The following TTLL6 variants were observed in gnomAD, a reference collection of about 807,000 sequenced individuals.
The protein encoded by TTLL6 is tubulin tyrosine ligase like 6.
TTLL6 carries 75 observed loss-of-function variants against 96.4 expected under a neutral mutation model. The ratio of observed to expected loss-of-function variants is 0.78; its 90% CI spans 0.65 to 0.94. The LOEUF is 0.94. TTLL6 is among the 40% of genes least tolerant of loss of function. TTLL6 has a pLI of 0.00. For missense variants in TTLL6, 1,030 were observed against 1,093.0 expected (o/e 0.94, Z 0.81); for synonymous variants, 411 against 419.4 (o/e 0.98, Z 0.24).
intron 1 of TTLL6, among the ~76,000 whole-genome samples, chr17:48,805,554 G>A (rs1204028448): frequency 5.3e-5 from 8 of 152,108 alleles, no homozygotes; most frequent in Admixed American, 4.6e-4. Context: ...CCACAGAGAA[G>A]GCTGTGTCTC....
At chr17:48,799,286 T>C (rs753632893) in intron 6 of TTLL6, among the ~76,000 whole-genome samples, 7 of 152,184 alleles carry the variant, frequency 4.6e-5, no homozygotes, top group Non-Finnish European at 7.3e-5. Context: ...AGCTGATTGC[T>C]CTCCAGCATC....
rs1052947411 is a variant in TTLL6 at position 48,762,988 on chromosome 17, T to G, written c.*1-15A>C. On this transcript the variant is annotated splice_polypyrimidine_tract_variant and intron_variant, in intron 15 of 15. Coordinates refer to ENST00000393382, the MANE Select transcript of TTLL6 (RefSeq NM_001130918.3). Reference sequence around the variant, plus strand: ...CCAGTCTGATTCTGGAAAAAAAAAATTTTTTTTTTAGATTTTCCTTTAAAA... The same window carrying G: ...CCAGTCTGATTCTGGAAAAAAAAAAGTTTTTTTTTAGATTTTCCTTTAAAA... The G allele has an allele frequency of 2.5e-6, 1 of 403,430 alleles. No homozygotes were observed. The highest frequency in any genetic ancestry group is 3.1e-5 in the Admixed American group (1 of 32,424). The allele number at this position is 403,430 out of a possible 1,614,324, so 25.0% of individuals were successfully genotyped here.
At chr17:48,810,866 G>GTA (rs2039579731) in intron 1 of TTLL6, among the ~76,000 whole-genome samples, 5 of 132,158 alleles carry the variant, frequency 3.8e-5, no homozygotes, top group African/African-American at 1.1e-4. Flanking sequence ...GTATGTGTGT[G>GTA]TATATATATG....
chr17:48,810,825 G>GCA lies in TTLL6; in HGVS notation c.104-5835_104-5834insTG, dbSNP rs1555569645. Among the ~76,000 whole-genome samples, 598 of 84,340 alleles carry GCA rather than the reference G, an allele frequency of 7.1e-3. 16 individuals carry two copies. The highest frequency in any genetic ancestry group is 0.011 in the Non-Finnish European group (447 of 40,120). 55.3% of individuals were successfully genotyped at this position (84,340 alleles called of 152,430 possible). On this transcript the variant is annotated intron_variant, in intron 1 of 15. Transcript: ENST00000393382. ...ATATACACATATATAGTATGTGTGT[G>GCA]TATATATATATATATATATATATAT...
At chr17:48,812,098 A>T (rs1045513133) in intron 1 of TTLL6, 24 of 90,360 alleles carry the variant, frequency 2.7e-4, no homozygotes, top group African/African-American at 1.1e-3. Context: ...GACTTTTCAG[A>T]TGTGGACTTT....
intron 8 of TTLL6, among the ~76,000 whole-genome samples, 157 bp downstream of exon 8, chr17:48,795,904 G>A (rs2039308424): frequency 6.6e-6 from 1 of 152,162 alleles, no homozygotes. Flanking sequence ...CAGAGATGAA[G>A]GAATTTGTTC....
At chr17:48,809,671 C>T (rs763610323) in intron 1 of TTLL6, among the ~76,000 whole-genome samples, 1 of 151,784 alleles carries the variant, frequency 6.6e-6, no homozygotes. Flanking sequence ...CCCGCCTGGG[C>T]AACAAAGTGA....
chr17:48,768,102 C>T (rs1438056728), intron 15 of TTLL6, among the ~76,000 whole-genome samples: 3 of 148,026 alleles, frequency 2.0e-5, no homozygotes, highest in Non-Finnish European at 4.5e-5. Flanking sequence ...AAGGGGGTCA[C>T]TTTTTTTTTT....
chr17:48,810,825 G>GTATATATATATATATATA (rs1555569643), intron 1 of TTLL6, among the ~76,000 whole-genome samples: 4 of 84,340 alleles, frequency 4.7e-5, no homozygotes, highest in Admixed American at 1.2e-4. Flanking sequence ...GTATGTGTGT[G>GTATATATATATATATATA]TATATATATA....
At chr17:48,780,514 A>C (rs558834951) in intron 13 of TTLL6, among the ~76,000 whole-genome samples, 1 of 152,354 alleles carries the variant, frequency 6.6e-6, no homozygotes, top group South Asian at 2.1e-4. Context: ...TAAATAAATA[A>C]CATAAAATCT....
intron 15 of TTLL6, among the ~76,000 whole-genome samples, chr17:48,767,192 C>T (rs961887084): frequency 2.0e-5 from 3 of 152,104 alleles, no homozygotes; most frequent in South Asian, 2.1e-4. Context: ...CATGAGCCAC[C>T]GTGCCTGACC....
At position 48,777,047 on chromosome 17, in the gene TTLL6, C is replaced by CACACAT. The variant is rs1555563994; in HGVS notation, c.2041-6951_2041-6950insATGTGT. ...ACACACACACACACACACACACACA[C>CACACAT]ACCCCTAAAAAATCAAAGGAACAGA... On this transcript the variant is annotated intron_variant, in intron 13 of 15. Transcript: ENST00000393382. Among the ~76,000 whole-genome samples, 131 of 151,790 alleles carry CACACAT rather than the reference C, an allele frequency of 8.6e-4. 4 individuals carry two copies. The South Asian group carries it at 0.027, about 31-fold the overall frequency.
Position 48,785,139 on chromosome 17 carries a change from T to C in TTLL6, c.1824A>G (p.Glu608=), listed in dbSNP as rs753197831. ...TPDLLLSVRG[E]RKNETDSSLN... ...GGCTGCTGTCTGTTTCATTTTTCCTTTCACCTCTGACACTCAAGAGCAAGT... is the reference window on the plus strand; with the variant it reads ...GGCTGCTGTCTGTTTCATTTTTCCTCTCACCTCTGACACTCAAGAGCAAGT... The change falls in exon 13 of 16, where the codon GAA becomes GAG. Residue 608 remains glutamate, a synonymous_variant. Transcript: ENST00000393382. 12 of 1,614,198 alleles carry C rather than the reference T, an allele frequency of 7.4e-6. No individual in the cohort carries two copies. The highest frequency in any genetic ancestry group is 1.0e-5 in the Non-Finnish European group (12 of 1,180,050).
chr17:48,801,640 C>A lies in TTLL6; in HGVS notation c.365G>T (p.Arg122Leu). ...AAAGCCGTACTGTTGGGCAGCCCTG[C>A]GCACTATTGAAGAAAGAAAGGCCTA... ...NLSSCRYESV[R>L]RAAQQYGFRE... The change falls in exon 4 of 16, where the codon CGC (arginine) becomes CTC (leucine). Residue 122 changes from arginine (R) to leucine (L), a missense_variant. By Grantham distance (102) the Arg-to-Leu change is moderately radical (BLOSUM62 -2). Transcript: ENST00000393382. 1 of 1,551,140 alleles carries A rather than the reference C, an allele frequency of 6.4e-7. No individual in the cohort carries two copies. The highest frequency in any genetic ancestry group is 8.7e-7 in the Non-Finnish European group (1 of 1,146,620).
chr17:48,778,567 G>A (rs975403458), intron 13 of TTLL6, among the ~76,000 whole-genome samples: 9 of 151,508 alleles, frequency 5.9e-5, no homozygotes, highest in Non-Finnish European at 1.3e-4. Flanking sequence ...AGGCTGAGGT[G>A]GGAGGATTGC....
chr17:48,794,436 C>T, intron 8 of TTLL6: 1 of 1,363,316 alleles, frequency 7.3e-7, no homozygotes, highest in Non-Finnish European at 9.7e-7. Flanking sequence ...TCATCACGTT[C>T]ATCCTCCAGA....
intron 1 of TTLL6, among the ~76,000 whole-genome samples, chr17:48,814,621 G>GCACTGGGACGGGTC (rs1043495470): frequency 5.3e-5 from 8 of 152,178 alleles, no homozygotes; most frequent in South Asian, 2.1e-4. Flanking sequence ...GAGGGAATGA[G>GCACTGGGACGGGTC]CACTGGGACG....
intron 13 of TTLL6, among the ~76,000 whole-genome samples, chr17:48,782,722 CT>C (rs939090870): frequency 2.7e-5 from 4 of 148,928 alleles, no homozygotes; most frequent in Non-Finnish European, 6.0e-5. Context: ...TTTCTTTTTT[CT>C]TTTTTTTTGA....
intron 5 of TTLL6, among the ~76,000 whole-genome samples, chr17:48,800,734 C>G (rs1277837839): frequency 6.6e-6 from 1 of 152,188 alleles, no homozygotes; most frequent in African/African-American, 2.4e-5. Flanking sequence ...TCTCACATTT[C>G]TCCTGTTCCT....
Sources: allele counts gnomAD v4.1 joint callset (sites outside exome capture counted in the v4.1 genomes callset), GRCh38; gene constraint gnomAD v4.1.1; transcripts MANE v1.5; gene names NCBI Gene and HGNC (gene_info 2026-07-23, HGNC 2026-07-21).